CNTNAP2: variants seen among roughly 807,000 people sequenced by gnomAD.
The protein encoded by CNTNAP2 is contactin associated protein 2, also known as contactin-associated protein-like 2.
Under a neutral mutation model 155.2 loss-of-function variants are expected in CNTNAP2, and 98 were observed. That is an observed-to-expected ratio of 0.63 (90% CI 0.54 to 0.75). The LOEUF (loss-of-function observed/expected upper bound fraction) is 0.75. Among genes scored for constraint, CNTNAP2 ranks in the 30% least tolerant of loss-of-function variants. The probability of loss-of-function intolerance (pLI) is 0.00; values close to 1 mark genes in which losing one functional copy is unlikely to be tolerated. For missense variants in CNTNAP2, 1,727 were observed against 1,688.1 expected, an observed-to-expected ratio of 1.02 and a Z score of -0.40; for synonymous variants, 651 against 631.2, an observed-to-expected ratio of 1.03 and a Z score of -0.47.
chr7:148,013,131 T>C (rs1199384230), intron 15 of CNTNAP2: 1 of 152,168 alleles, frequency 6.6e-6, no homozygotes, highest in East Asian at 1.9e-4. Flanking sequence ...TAAATGTACT[T>C]TCCTTTTTCT....
intron 13 of CNTNAP2, among the ~76,000 whole-genome samples, chr7:147,686,373 C>T (rs1020742344): frequency 3.3e-5 from 5 of 152,008 alleles, no homozygotes; most frequent in African/African-American, 1.2e-4. Context: ...TAGCTCTAGA[C>T]TCTTGAAGTT....
chr7:146,413,760 CGAGTGG>C, intron 1 of CNTNAP2, among the ~76,000 whole-genome samples: 1 of 151,832 alleles, frequency 6.6e-6, no homozygotes, highest in East Asian at 1.9e-4. Flanking sequence ...ATAATTTTCC[CGAGTGG>C]GGCAGAGAGA....
At chr7:148,178,133 A>G (rs1794979695) in intron 18 of CNTNAP2, among the ~76,000 whole-genome samples, 1 of 152,218 alleles carries the variant, frequency 6.6e-6, no homozygotes, top group Non-Finnish European at 1.5e-5. Flanking sequence ...ACAGTTCTTC[A>G]TTATGATCCT....
chr7:148,077,939 A>G (rs1158975729), intron 15 of CNTNAP2, among the ~76,000 whole-genome samples: 1 of 152,194 alleles, frequency 6.6e-6, no homozygotes, highest in Non-Finnish European at 1.5e-5. Context: ...CTTCTCATAC[A>G]AAGTCTGGGA....
In CNTNAP2 at chr7:148,100,006, G is replaced by A. The variant is rs182615342; in HGVS notation, c.2384-18112G>A. On this transcript the variant is annotated intron_variant, in intron 15 of 23. Transcript: ENST00000361727. ...TCTGCCTCAGCCTTCTGAATAGCTG[G>A]GATTACAGACATATGCCACCATGCC... Among the ~76,000 whole-genome samples, 144 of 151,692 alleles carry A rather than the reference G, an allele frequency of 9.5e-4. 1 individual carries two copies. The highest frequency in any genetic ancestry group is 3.3e-3 in the African/African-American group (136 of 41,286).
intron 8 of CNTNAP2, among the ~76,000 whole-genome samples, chr7:147,280,503 G>A (rs1304932692): frequency 6.6e-6 from 1 of 151,792 alleles, no homozygotes; most frequent in Non-Finnish European, 1.5e-5. Context: ...GTTCAGCTTA[G>A]GGTTTTTTAT....
At chr7:148,028,403 A>G (rs2710157) in intron 15 of CNTNAP2, among the ~76,000 whole-genome samples, 118,886 of 152,018 alleles carry the variant, frequency 0.78, 47,357 homozygotes, top group African/African-American at 0.93. Context: ...TATGGGAAAA[A>G]TCAGTTTAAC....
intron 15 of CNTNAP2, among the ~76,000 whole-genome samples, chr7:148,094,899 A>C (rs1055232833): frequency 6.6e-6 from 1 of 152,210 alleles, no homozygotes; most frequent in African/African-American, 2.4e-5. Flanking sequence ...GATAGTTGAG[A>C]TCACATAGAT....
intron 15 of CNTNAP2, among the ~76,000 whole-genome samples, chr7:148,068,174 C>G (rs747960658): frequency 3.3e-5 from 5 of 152,174 alleles, no homozygotes; most frequent in Non-Finnish European, 7.3e-5. Context: ...CTACCCCACC[C>G]CTGCCCCAGA....
chr7:146,852,102 G>C (rs531800708), intron 3 of CNTNAP2, among the ~76,000 whole-genome samples: 1 of 152,184 alleles, frequency 6.6e-6, no homozygotes, highest in Middle Eastern at 3.4e-3. Context: ...TCCAAATATG[G>C]TAACATTCTG....
intron 21 of CNTNAP2, among the ~76,000 whole-genome samples, chr7:148,327,014 G>C (rs774532844): frequency 1.3e-4 from 20 of 152,330 alleles, no homozygotes; most frequent in Admixed American, 4.6e-4. Context: ...CTCTGGAAGA[G>C]CCAGGTTTGC....
At chr7:146,427,268 C>T (rs931471324) in intron 1 of CNTNAP2, among the ~76,000 whole-genome samples, 2 of 152,088 alleles carry the variant, frequency 1.3e-5, no homozygotes, top group Non-Finnish European at 2.9e-5. Flanking sequence ...TAATTCTCTG[C>T]CATCTAGCTA....
chr7:146,626,733 T>C (rs952868672), intron 1 of CNTNAP2, among the ~76,000 whole-genome samples: 6 of 152,128 alleles, frequency 3.9e-5, no homozygotes, highest in African/African-American at 4.8e-5. Flanking sequence ...TCTTAGATAA[T>C]ATCTTCATTA....
At chr7:146,340,126 G>A (rs769042574) in intron 1 of CNTNAP2, among the ~76,000 whole-genome samples, 9 of 133,788 alleles carry the variant, frequency 6.7e-5, no homozygotes, top group South Asian at 4.6e-4. Flanking sequence ...CGGAGATCGC[G>A]CCACTGCACT....
chr7:147,790,872 C>T (rs1458666303), intron 13 of CNTNAP2, among the ~76,000 whole-genome samples: 3 of 152,354 alleles, frequency 2.0e-5, no homozygotes, highest in Admixed American at 6.5e-5. Context: ...ATTTTGCAGA[C>T]GTTCCACATC....
intron 21 of CNTNAP2, among the ~76,000 whole-genome samples, chr7:148,307,832 G>A (rs1334392958): frequency 6.6e-6 from 1 of 152,044 alleles, no homozygotes; most frequent in African/African-American, 2.4e-5. Context: ...AATTGCCCAG[G>A]CATCGTGGCA....
At chr7:148,097,361 A>C (rs1803995320) in intron 15 of CNTNAP2, among the ~76,000 whole-genome samples, 1 of 146,344 alleles carries the variant, frequency 6.8e-6, no homozygotes, top group Non-Finnish European at 1.5e-5. Context: ...AAAAAAAAAA[A>C]ACCATAAAAA....
intron 13 of CNTNAP2, among the ~76,000 whole-genome samples, chr7:147,701,740 G>A (rs17170644): frequency 0.016 from 2,361 of 152,222 alleles, 58 homozygotes; most frequent in African/African-American, 0.054. Context: ...CTAAACAGAC[G>A]TGGTATATTC....
intron 3 of CNTNAP2, among the ~76,000 whole-genome samples, chr7:146,847,512 TCAAA>T (rs1218488216): frequency 6.6e-6 from 1 of 152,204 alleles, no homozygotes; most frequent in African/African-American, 2.4e-5. Context: ...AGAGAAAAAG[TCAAA>T]CAAAGGGTTT....
Sources: allele counts gnomAD v4.1 joint callset (sites outside exome capture counted in the v4.1 genomes callset), GRCh38; gene constraint gnomAD v4.1.1; transcripts MANE v1.5; gene names NCBI Gene and HGNC (gene_info 2026-07-23, HGNC 2026-07-21).